Variants in SLC35F3 observed in about 807,000 individuals in gnomAD.
SLC35F3 encodes the protein putative thiamine transporter SLC35F3.
In SLC35F3, 25 loss-of-function variants were observed where a neutral mutation model predicts 49.9. The ratio of observed to expected loss-of-function variants is 0.50; its 90% CI spans 0.37 to 0.70. SLC35F3 has a LOEUF of 0.70. Among genes scored for constraint, SLC35F3 ranks in the 30% least tolerant of loss-of-function variants. SLC35F3 has a pLI of 0.00. For synonymous variants in SLC35F3, 275 were observed against 265.4 expected (o/e 1.04, Z -0.35); for missense variants, 525 against 639.8 (o/e 0.82, Z 1.94).
chr1:234,318,801 A>AT lies in SLC35F3; in HGVS notation c.1010dup (p.Leu337PhefsTer8). On this transcript the variant is annotated frameshift_variant, in exon 6 of 8. Transcript: ENST00000366618. LOFTEE classifies it high-confidence loss of function. ...GTGCTAAGTTTGGAGAAGCCGCCTT[A>AT]TTTTTGTCCATCTTGGGTGTGTTTA... 6.2e-7 allele frequency: 1 copy of AT among 1,614,050 alleles called. No homozygotes were observed. The highest frequency in any genetic ancestry group is 8.5e-7 in the Non-Finnish European group (1 of 1,180,006).
chr1:234,157,038 C>T (rs925199554), intron 2 of SLC35F3, among the ~76,000 whole-genome samples: 2 of 152,090 alleles, frequency 1.3e-5, no homozygotes, highest in Admixed American at 6.6e-5. Flanking sequence ...AAATTTATTA[C>T]GGTGGTGATG....
intron 2 of SLC35F3, among the ~76,000 whole-genome samples, chr1:234,074,622 A>T (rs993219938): frequency 6.6e-6 from 1 of 152,160 alleles, no homozygotes; most frequent in African/African-American, 2.4e-5. Flanking sequence ...GCTCAAGCGG[A>T]ATTTTAAAGG....
chr1:233,931,766 C>T (rs1662246412), intron 2 of SLC35F3, among the ~76,000 whole-genome samples: 2 of 152,174 alleles, frequency 1.3e-5, no homozygotes, highest in Non-Finnish European at 2.9e-5. Flanking sequence ...CTAGGAATAC[C>T]ATTTGACCCA....
intron 2 of SLC35F3, among the ~76,000 whole-genome samples, chr1:234,014,570 A>G (rs1314108301): frequency 6.6e-6 from 1 of 152,212 alleles, no homozygotes; most frequent in Non-Finnish European, 1.5e-5. Context: ...TCTTGTATGT[A>G]TGTATAACTT....
intron 2 of SLC35F3, among the ~76,000 whole-genome samples, chr1:234,145,640 A>G (rs1430139559): frequency 6.6e-6 from 1 of 152,102 alleles, no homozygotes. Flanking sequence ...ATTATTCCCT[A>G]AACAATACAG....
At chr1:234,267,621 G>A (rs933356074) in intron 3 of SLC35F3, among the ~76,000 whole-genome samples, 2 of 150,764 alleles carry the variant, frequency 1.3e-5, no homozygotes, top group Non-Finnish European at 2.9e-5. Flanking sequence ...GGGGCGGCTG[G>A]CCAGGCGGGG....
At chr1:234,269,790 A>G (rs893155523) in intron 3 of SLC35F3, among the ~76,000 whole-genome samples, 1 of 152,058 alleles carries the variant, frequency 6.6e-6, no homozygotes, top group Non-Finnish European at 1.5e-5. Context: ...ATTAGTTCTC[A>G]TAAGAGCTGG....
At chr1:234,250,008 C>T (rs1304435575) in intron 3 of SLC35F3, among the ~76,000 whole-genome samples, 3 of 152,130 alleles carry the variant, frequency 2.0e-5, no homozygotes, top group African/African-American at 7.2e-5. Context: ...TGTCTCCCAG[C>T]ATATTTTACC....
chr1:234,181,307 G>A (rs1666552438), intron 2 of SLC35F3, among the ~76,000 whole-genome samples: 1 of 133,592 alleles, frequency 7.5e-6, no homozygotes. Flanking sequence ...CTGCACTCCA[G>A]TCTGGGTGAC....
In SLC35F3 at chr1:234,013,033, A is replaced by G. The variant is rs528091923; in HGVS notation, c.283+107275A>G. Among the ~76,000 whole-genome samples, 7 of 152,348 alleles carry G rather than the reference A, an allele frequency of 4.6e-5. No homozygotes were observed. In the East Asian group the frequency reaches 1.3e-3, roughly 29 times the overall value. ...TTCATCTAACAGCATCGGAATACTC[A>G]TTCTTCTCAAGCACACATGAAACAT... On this transcript the variant is annotated intron_variant, in intron 2 of 7. Transcript: ENST00000366618.
intron 2 of SLC35F3, among the ~76,000 whole-genome samples, chr1:234,191,749 G>A (rs112907774): frequency 0.08 from 12,199 of 152,052 alleles, 1,352 homozygotes; most frequent in African/African-American, 0.25. Flanking sequence ...AATAAGCACA[G>A]CTGGAAATGA....
chr1:234,073,100 A>G (rs1487560607), intron 2 of SLC35F3, among the ~76,000 whole-genome samples: 3 of 152,178 alleles, frequency 2.0e-5, no homozygotes, highest in Non-Finnish European at 4.4e-5. Context: ...CCTTTCCCAC[A>G]AGAACACAAA....
intron 2 of SLC35F3, among the ~76,000 whole-genome samples, chr1:234,186,565 A>G (rs777325994): frequency 3.3e-5 from 5 of 152,278 alleles, no homozygotes; most frequent in Non-Finnish European, 5.9e-5. Context: ...GTGAGATGTG[A>G]CATGTGCCCT....
Position 234,214,389 on chromosome 1 carries a change from T to C in SLC35F3, c.284-17028T>C. 1 of 1,364,718 alleles carries C rather than the reference T, an allele frequency of 7.3e-7. No homozygotes were observed. Among genetic ancestry groups the C allele is most frequent in the Non-Finnish European group, 9.5e-7 (1 of 1,057,846 alleles). 84.5% of individuals were successfully genotyped at this position (1,364,718 alleles called of 1,614,324 possible). ...ACTGAGAGGGGCGAGCCGCTGGTGCTCCCCGGCGGCAGAGGGCCGCGTCGG... is the reference window on the plus strand; with the variant it reads ...ACTGAGAGGGGCGAGCCGCTGGTGCCCCCCGGCGGCAGAGGGCCGCGTCGG... On this transcript the variant is annotated intron_variant, in intron 2 of 7. Transcript: ENST00000366618. This position sits in a 1 kb window ranked among gnomAD's most constrained non-coding sequence, Gnocchi z 8.0.
intron 4 of SLC35F3, among the ~76,000 whole-genome samples, chr1:234,312,883 T>G (rs1276760571): frequency 7.0e-6 from 1 of 143,486 alleles, no homozygotes; most frequent in Non-Finnish European, 1.5e-5. Context: ...GTTTGTTTGT[T>G]TTTGTTTTGC....
intron 3 of SLC35F3, among the ~76,000 whole-genome samples, chr1:234,236,994 A>C (rs1667485648): frequency 7.1e-6 from 1 of 141,128 alleles, no homozygotes; most frequent in South Asian, 2.3e-4. Flanking sequence ...CTGAGGGCAG[A>C]CTGGCTTGGC....
chr1:233,961,455 C>CTTTTTTTTTTTCCTCTCT (rs1662800550), intron 2 of SLC35F3, among the ~76,000 whole-genome samples: 2 of 130,448 alleles, frequency 1.5e-5, no homozygotes, highest in African/African-American at 5.7e-5. Context: ...TTTTTCCTCT[C>CTTTTTTTTTTTCCTCTCT]TTTTTTTTTT....
intron 2 of SLC35F3, among the ~76,000 whole-genome samples, chr1:234,230,814 A>G (rs1423176653): frequency 6.6e-6 from 1 of 152,216 alleles, no homozygotes; most frequent in Non-Finnish European, 1.5e-5. Context: ...AAGCAGATAG[A>G]AAAGTAAGAG....
intron 3 of SLC35F3, among the ~76,000 whole-genome samples, chr1:234,267,480 C>G (rs1282713672): frequency 2.5e-4 from 36 of 141,370 alleles, no homozygotes; most frequent in South Asian, 1.1e-3. Flanking sequence ...CCTCACCTCC[C>G]GGATGGGGCG....
Sources: gnomAD v4.1 joint callset for allele counts (sites outside exome capture counted in the v4.1 genomes callset) on GRCh38, gnomAD v4.1.1 for gene constraint, Gnocchi (gnomAD v3.1) non-coding constraint, MANE v1.5 for transcripts, NCBI Gene and HGNC (gene_info 2026-07-23, HGNC 2026-07-21) for gene names.